Variants in ERC2 observed in about 807,000 individuals in gnomAD.
ERC2 encodes ERC protein 2.
A neutral mutation model predicts 114.8 loss-of-function variants in ERC2; 42 were observed. The observed-to-expected ratio is 0.37, with a 90% CI of 0.29 to 0.47. The LOEUF (loss-of-function observed/expected upper bound fraction) is 0.47, where lower values mean the gene tolerates loss of function less well. Among genes scored for constraint, ERC2 ranks in the 20% least tolerant of loss-of-function variants. The pLI is 0.99. For missense variants in ERC2, 939 were observed against 1,150.7 expected, an observed-to-expected ratio of 0.82 and a Z score of 2.66; for synonymous variants, 454 against 425.5, an observed-to-expected ratio of 1.07 and a Z score of -0.82.
At chr3:55,829,448 CA>C (rs1485342345) in intron 14 of ERC2, among the ~76,000 whole-genome samples, 6 of 151,970 alleles carry the variant, frequency 3.9e-5, no homozygotes, top group African/African-American at 1.4e-4. Context: ...TCATCCAATC[CA>C]AAAAATAAAA....
At position 56,152,597 on chromosome 3, in the gene ERC2, G is replaced by C. The variant is rs189550193; in HGVS notation, c.1150-3465C>G. Among the ~76,000 whole-genome samples the C allele has an allele frequency of 2.6e-5, 4 of 152,108 alleles. No individual in the cohort carries two copies. The South Asian group carries it at 8.3e-4, about 32-fold the overall frequency. On this transcript the variant is annotated intron_variant, in intron 4 of 17. Coordinates refer to ENST00000288221, the MANE Select transcript of ERC2 (RefSeq NM_015576.3). ...CAGGCAATAGTTTTCAAACAGTCTC[G>C]AGATAGGGCAACCATGAAATTGTTT...
intron 17 of ERC2, among the ~76,000 whole-genome samples, chr3:55,677,622 G>A (rs1160033917): frequency 2.0e-5 from 3 of 152,152 alleles, no homozygotes; most frequent in African/African-American, 7.2e-5. Context: ...GGAGGGGAGA[G>A]ACGGAAGGTG....
At chr3:56,228,711 C>A (rs1198840426) in intron 3 of ERC2, among the ~76,000 whole-genome samples, 1 of 152,096 alleles carries the variant, frequency 6.6e-6, no homozygotes, top group Non-Finnish European at 1.5e-5. Flanking sequence ...GGTGTATGTA[C>A]CCAGAGGGTA....
At chr3:55,883,395 G>A (rs562838918) in intron 14 of ERC2, among the ~76,000 whole-genome samples, 37 of 152,252 alleles carry the variant, frequency 2.4e-4, no homozygotes, top group African/African-American at 8.2e-4. Flanking sequence ...AGAACTTTGG[G>A]TAAAAATTAA....
At chr3:56,238,113 T>C (rs1161342046) in intron 3 of ERC2, among the ~76,000 whole-genome samples, 1 of 151,856 alleles carries the variant, frequency 6.6e-6, no homozygotes, top group Non-Finnish European at 1.5e-5. Context: ...AAATGCAGGG[T>C]TTTTTCTTTT....
intron 17 of ERC2, among the ~76,000 whole-genome samples, chr3:55,661,168 C>T (rs1460946423): frequency 1.3e-5 from 2 of 152,224 alleles, no homozygotes; most frequent in African/African-American, 4.8e-5. Context: ...TATTATCTCA[C>T]AGTTCCGTAG....
chr3:55,715,481 CT>C (rs1207904749), intron 15 of ERC2, among the ~76,000 whole-genome samples: 1 of 152,090 alleles, frequency 6.6e-6, no homozygotes, highest in Non-Finnish European at 1.5e-5. Flanking sequence ...ACACACTGAA[CT>C]TGGTAATTAT....
At chr3:55,941,427 A>T (rs114556138) in intron 13 of ERC2, among the ~76,000 whole-genome samples, 3,140 of 152,268 alleles carry the variant, frequency 0.021, 51 homozygotes, top group Non-Finnish European at 0.031. Flanking sequence ...ATTAGAGTCA[A>T]CAGCCCTCCA....
chr3:56,094,931 G>A (rs943797112), intron 6 of ERC2, among the ~76,000 whole-genome samples: 1 of 152,174 alleles, frequency 6.6e-6, no homozygotes, highest in Admixed American at 6.5e-5. Context: ...TAAAGAGTTA[G>A]ATGTAAAAAA....
chr3:56,381,057 A>G (rs2059729695), intron 2 of ERC2, among the ~76,000 whole-genome samples: 1 of 152,180 alleles, frequency 6.6e-6, no homozygotes, highest in Non-Finnish European at 1.5e-5. Flanking sequence ...CTTAAGCACA[A>G]CTGATTAATA....
chr3:55,730,926 A>G (rs564824689), intron 15 of ERC2, among the ~76,000 whole-genome samples: 178 of 152,318 alleles, frequency 1.2e-3, no homozygotes, highest in African/African-American at 4.1e-3. Context: ...AAGACTGAGC[A>G]GGCCAGAAGG....
chr3:55,617,062 C>G (rs1443956759), intron 17 of ERC2, among the ~76,000 whole-genome samples: 3 of 152,176 alleles, frequency 2.0e-5, no homozygotes, highest in Non-Finnish European at 2.9e-5. Context: ...TGCAAAAACC[C>G]AAGACCCACC....
intron 15 of ERC2, among the ~76,000 whole-genome samples, chr3:55,734,219 G>A (rs2065480692): frequency 6.6e-6 from 1 of 152,166 alleles, no homozygotes; most frequent in South Asian, 2.1e-4. Context: ...TAAAAATAGA[G>A]TGAAGAATGG....
chr3:55,888,805 T>C (rs2063478887), intron 13 of ERC2, among the ~76,000 whole-genome samples: 1 of 152,102 alleles, frequency 6.6e-6, no homozygotes, highest in African/African-American at 2.4e-5. Context: ...ACACATTGGG[T>C]TGAGTGTATA....
At chr3:56,124,160 A>G (rs77039578) in intron 6 of ERC2, among the ~76,000 whole-genome samples, 1 of 152,218 alleles carries the variant, frequency 6.6e-6, no homozygotes, top group Non-Finnish European at 1.5e-5. Context: ...TTTATTCTTA[A>G]TGATATATAA....
chr3:56,328,245 A>C (rs948625711), intron 2 of ERC2, among the ~76,000 whole-genome samples: 30 of 152,188 alleles, frequency 2.0e-4, no homozygotes, highest in African/African-American at 7.2e-4. Flanking sequence ...TCCCCTCCCC[A>C]AGAAGGCTTC....
At chr3:55,905,872 C>T (rs950246738) in intron 13 of ERC2, among the ~76,000 whole-genome samples, 1 of 152,196 alleles carries the variant, frequency 6.6e-6, no homozygotes, top group Non-Finnish European at 1.5e-5. Flanking sequence ...CCCAAAGGCC[C>T]TTCTGAGTCC....
chr3:55,841,452 T>C (rs1210732179), intron 14 of ERC2, among the ~76,000 whole-genome samples: 1 of 152,216 alleles, frequency 6.6e-6, no homozygotes, highest in Non-Finnish European at 1.5e-5. Context: ...TCCCCAGCCA[T>C]GTAGAACTGT....
At chr3:55,531,165 G>T (rs1575488727) in intron 17 of ERC2, among the ~76,000 whole-genome samples, 1 of 152,170 alleles carries the variant, frequency 6.6e-6, no homozygotes, top group South Asian at 2.1e-4. Context: ...TGATTATTAA[G>T]TGAATGATCC....
Sources: gnomAD v4.1 joint callset for allele counts (sites outside exome capture counted in the v4.1 genomes callset) on GRCh38, gnomAD v4.1.1 for gene constraint, MANE v1.5 for transcripts, NCBI Gene and HGNC (gene_info 2026-07-23, HGNC 2026-07-21) for gene names.